The following CCDC7 variants were observed in gnomAD, a reference collection of about 807,000 sequenced individuals.
CCDC7 encodes the protein coiled-coil domain containing 7.
Under a neutral mutation model 196.9 loss-of-function variants are expected in CCDC7, and 183 were observed. That is an observed-to-expected ratio of 0.93 (90% CI 0.82 to 1.05). The LOEUF (loss-of-function observed/expected upper bound fraction) is 1.05. Ranked by LOEUF, CCDC7 falls within the 50% of genes least tolerant of loss-of-function variation. The probability of loss-of-function intolerance (pLI) is 0.00; values close to 1 mark genes in which losing one functional copy is unlikely to be tolerated. For missense variants in CCDC7, 1,540 were observed against 1,482.2 expected (o/e 1.04, Z -0.64); for synonymous variants, 525 against 484.6 (o/e 1.08, Z -1.10).
intron 11 of CCDC7, among the ~76,000 whole-genome samples, chr10:32,538,702 A>G (rs542193259): frequency 1.3e-5 from 2 of 152,270 alleles, no homozygotes; most frequent in Admixed American, 1.3e-4. Flanking sequence ...AAGAGAGTTG[A>G]ATTTTATTGA....
In CCDC7 at chr10:32,552,303, G is replaced by A. The variant is rs1208438531; in HGVS notation, c.1134+8002G>A. On this transcript the variant is annotated intron_variant, in intron 13 of 41. Coordinates refer to ENST00000639629, the Ensembl canonical transcript of CCDC7. ...TTTATGCGAGTCCTTATGTGTTAGC[G>A]AGTCTCCTGAAGGCATCAGATAGTT... 2.0e-5 allele frequency among the ~76,000 whole-genome samples: 3 copies of A among 152,068 alleles called. No homozygotes were observed. In the East Asian group the frequency reaches 5.8e-4, roughly 29 times the overall value.
At chr10:32,529,859 A>G (rs1156425355) in intron 11 of CCDC7, among the ~76,000 whole-genome samples, 1 of 152,174 alleles carries the variant, frequency 6.6e-6, no homozygotes, top group Non-Finnish European at 1.5e-5. Context: ...GCCAATGTCT[A>G]GAAGGGTTTT....
intron 23 of CCDC7, 134 bp from the exon 25 acceptor site, chr10:32,694,745 C>T (rs964829857): frequency 5.8e-6 from 3 of 515,898 alleles, no homozygotes; most frequent in African/African-American, 5.8e-5. Context: ...CATGTCACAT[C>T]TGGATTTCTG....
intron 8 of CCDC7, among the ~76,000 whole-genome samples, chr10:32,477,014 A>G (rs915331212): frequency 2.0e-5 from 3 of 152,054 alleles, no homozygotes; most frequent in African/African-American, 7.2e-5. Context: ...TTATCTTTTC[A>G]TTCTTTTAGC....
At chr10:32,822,883 C>T (rs1022968549) in intron 31 of CCDC7, among the ~76,000 whole-genome samples, 1 of 152,098 alleles carries the variant, frequency 6.6e-6, no homozygotes, top group African/African-American at 2.4e-5. Flanking sequence ...GTGACTTTTA[C>T]TAGTTGATAA....
chr10:32,554,300 C>T (rs1411275883), intron 13 of CCDC7, among the ~76,000 whole-genome samples: 1 of 152,226 alleles, frequency 6.6e-6, no homozygotes, highest in African/African-American at 2.4e-5. Flanking sequence ...AGTCTGCACA[C>T]CAGATTTGTG....
Position 32,533,177 on chromosome 10 carries a change from A to C in CCDC7, c.994-10123A>C, listed in dbSNP as rs145110391. ...TAGGCTTACAAAGAACATTGTATAG[A>C]TATAACAAGTTGTTTTAAAGAGATG... On this transcript the variant is annotated intron_variant, in intron 11 of 41. Transcript: ENST00000639629. Among the ~76,000 whole-genome samples the C allele has an allele frequency of 2.0e-3, 302 of 151,864 alleles. 2 individuals are homozygous for C. Among genetic ancestry groups the C allele is most frequent in the African/African-American group, 7.0e-3 (289 of 41,456 alleles).
intron 29 of CCDC7, among the ~76,000 whole-genome samples, chr10:32,784,776 T>C (rs2081575757): frequency 6.6e-6 from 1 of 151,588 alleles, no homozygotes; most frequent in South Asian, 2.1e-4. Flanking sequence ...CTGAGGAGAG[T>C]AGATCTCCCG....
intron 3 of CCDC7, 46 bp downstream of exon 4, chr10:32,456,380 A>G (rs1416508448): frequency 1.4e-6 from 2 of 1,398,112 alleles, no homozygotes. Flanking sequence ...TCAAACTTGT[A>G]CTGGTTGTTG....
intron 20 of CCDC7, among the ~76,000 whole-genome samples, chr10:32,662,778 A>G (rs751657833): frequency 3.3e-5 from 5 of 152,170 alleles, no homozygotes; most frequent in South Asian, 2.1e-4. Flanking sequence ...ACTATTTCAC[A>G]TCATCAAGTT....
intron 18 of CCDC7, among the ~76,000 whole-genome samples, chr10:32,621,684 A>C (rs2063427051): frequency 6.6e-6 from 1 of 152,142 alleles, no homozygotes; most frequent in Non-Finnish European, 1.5e-5. Context: ...CCATTGGTTT[A>C]AGTCCTGGAA....
chr10:32,604,994 C>T (rs2061423101), intron 18 of CCDC7, among the ~76,000 whole-genome samples: 1 of 151,946 alleles, frequency 6.6e-6, no homozygotes, highest in South Asian at 2.1e-4. Context: ...ACTGTAATCC[C>T]CAGTTTTGGA....
At chr10:32,715,034 T>C (rs1166329795) in intron 25 of CCDC7, among the ~76,000 whole-genome samples, 2 of 152,186 alleles carry the variant, frequency 1.3e-5, no homozygotes, top group African/African-American at 4.8e-5. Flanking sequence ...TCCCACACAG[T>C]GCTCAAGCTC....
chr10:32,878,762 A>G (rs2094683157), downstream of CCDC7, among the ~76,000 whole-genome samples: 1 of 152,182 alleles, frequency 6.6e-6, no homozygotes, highest in South Asian at 2.1e-4. Context: ...AATGCTTTAA[A>G]TAAACTGAAT....
intron 13 of CCDC7, among the ~76,000 whole-genome samples, chr10:32,549,203 T>C (rs1448010696): frequency 1.3e-5 from 2 of 152,200 alleles, no homozygotes; most frequent in Non-Finnish European, 2.9e-5. Context: ...TAGCCATTTG[T>C]ATATCTTCTT....
intron 18 of CCDC7, among the ~76,000 whole-genome samples, chr10:32,633,868 A>C (rs933175652): frequency 6.6e-6 from 1 of 151,788 alleles, no homozygotes; most frequent in African/African-American, 2.4e-5. Context: ...GTATTTCTCC[A>C]GTAAAGGTAA....
exon 20 of CCDC7, chr10:32,635,068 A>G: frequency 5.0e-6 from 2 of 398,750 alleles, no homozygotes; most frequent in Non-Finnish European, 8.9e-6. Context: ...GACTCTTACA[A>G]CCCCACAATT....
At chr10:32,514,025 T>C (rs1039997230) in intron 9 of CCDC7, 1 of 152,214 alleles carries the variant, frequency 6.6e-6, no homozygotes, top group Non-Finnish European at 1.5e-5. Context: ...TCTGCATTGG[T>C]GAGGAAGAAG....
At chr10:32,728,737 A>G (rs2083473289) in intron 26 of CCDC7, 150 bp from the exon 28 acceptor site, 1 of 474,778 alleles carries the variant, frequency 2.1e-6, no homozygotes, top group Admixed American at 3.9e-5. Flanking sequence ...CTTAGCTTCC[A>G]CAGCAGCCAT....
Sources: allele counts gnomAD v4.1 joint callset (sites outside exome capture counted in the v4.1 genomes callset), GRCh38; gene constraint gnomAD v4.1.1; transcripts MANE v1.5; gene names NCBI Gene and HGNC (gene_info 2026-07-23, HGNC 2026-07-21).